RORA: variants seen among roughly 807,000 people sequenced by gnomAD.
RORA encodes RAR related orphan receptor A, also known as nuclear receptor ROR-alpha.
A neutral mutation model predicts 69.5 loss-of-function variants in RORA; 7 were observed. That is an observed-to-expected ratio of 0.10 (90% CI 0.06 to 0.19). RORA has a LOEUF of 0.19. Ranked by LOEUF, RORA falls within the 10% of genes least tolerant of loss-of-function variation. The pLI is 1.00. For missense variants in RORA, 457 were observed against 663.0 expected, an observed-to-expected ratio of 0.69 and a Z score of 3.41; for synonymous variants, 261 against 240.8, an observed-to-expected ratio of 1.08 and a Z score of -0.78.
At chr15:60,967,849 A>G (rs1451393133) in intron 1 of RORA, among the ~76,000 whole-genome samples, 2 of 152,206 alleles carry the variant, frequency 1.3e-5, no homozygotes, top group African/African-American at 4.8e-5. Context: ...AAAAGGCTTC[A>G]GTACTGGTTC....
intron 1 of RORA, among the ~76,000 whole-genome samples, chr15:60,930,698 G>C (rs1892348974): frequency 6.6e-6 from 1 of 152,184 alleles, no homozygotes; most frequent in African/African-American, 2.4e-5. Context: ...GTCCAAGGTA[G>C]GTTTCCCACT....
chr15:60,736,839 G>A (rs369894853), intron 1 of RORA: 6 of 152,186 alleles, frequency 3.9e-5, no homozygotes, highest in African/African-American at 1.4e-4. Context: ...GCCGAGCCTG[G>A]TTAGTACTTC....
intron 1 of RORA, among the ~76,000 whole-genome samples, chr15:61,153,443 A>G (rs1005809729): frequency 1.3e-5 from 2 of 152,188 alleles, no homozygotes; most frequent in Non-Finnish European, 2.9e-5. Context: ...ACAGAGCCCA[A>G]CACATTCAGA....
intron 1 of RORA, among the ~76,000 whole-genome samples, chr15:61,180,353 A>G (rs958484930): frequency 2.6e-5 from 4 of 152,126 alleles, no homozygotes; most frequent in African/African-American, 9.7e-5. Flanking sequence ...GAATTTGGAG[A>G]GGATGTTGTT....
chr15:60,952,166 A>G (rs1405036425), intron 1 of RORA, among the ~76,000 whole-genome samples: 1 of 151,406 alleles, frequency 6.6e-6, no homozygotes, highest in Non-Finnish European at 1.5e-5. Context: ...AATCCAGCAT[A>G]TAAACAGAGC....
chr15:61,189,923 A>G (rs1215767201), intron 1 of RORA, among the ~76,000 whole-genome samples: 1 of 149,946 alleles, frequency 6.7e-6, no homozygotes, highest in Non-Finnish European at 1.5e-5. Flanking sequence ...TTTATCATGG[A>G]AAAAAAACAA....
chr15:61,198,546 G>A (rs1710664286), intron 1 of RORA, among the ~76,000 whole-genome samples: 1 of 152,074 alleles, frequency 6.6e-6, no homozygotes, highest in Non-Finnish European at 1.5e-5. Flanking sequence ...AATTTTCAAG[G>A]ACGACTGTAG....
intron 2 of RORA, among the ~76,000 whole-genome samples, chr15:60,590,480 AG>A (rs1475027789): frequency 1.3e-5 from 2 of 152,328 alleles, no homozygotes; most frequent in East Asian, 3.9e-4. Context: ...ACTGTTCATT[AG>A]GGGAGAAAGC....
intron 2 of RORA, among the ~76,000 whole-genome samples, chr15:60,546,964 G>C (rs760462583): frequency 2.0e-5 from 3 of 152,166 alleles, no homozygotes; most frequent in Non-Finnish European, 4.4e-5. Flanking sequence ...GTAGCATTTT[G>C]TTAGGGGAGT....
chr15:60,712,330 T>C (rs1220017100), intron 1 of RORA, among the ~76,000 whole-genome samples: 2 of 152,148 alleles, frequency 1.3e-5, no homozygotes, highest in African/African-American at 4.8e-5. Context: ...ATATAGAAAA[T>C]AGGCAATACA....
chr15:60,942,735 C>T (rs960982169), intron 1 of RORA, among the ~76,000 whole-genome samples: 3 of 152,192 alleles, frequency 2.0e-5, no homozygotes, highest in African/African-American at 7.2e-5. Context: ...AAAACAAACA[C>T]CGTCTTTAAT....
chr15:61,217,925 T>C (rs1033753950), intron 1 of RORA, among the ~76,000 whole-genome samples: 1 of 152,106 alleles, frequency 6.6e-6, no homozygotes, highest in African/African-American at 2.4e-5. Context: ...CTCCCTGAAG[T>C]CATAATGAGT....
intron 1 of RORA, among the ~76,000 whole-genome samples, chr15:61,094,173 C>T (rs2078754828): frequency 6.6e-6 from 1 of 152,130 alleles, no homozygotes. Context: ...CCTGGGGTAA[C>T]TACTCCTTTA....
intron 2 of RORA, among the ~76,000 whole-genome samples, chr15:60,582,117 G>A (rs1185679228): frequency 6.6e-6 from 1 of 152,062 alleles, no homozygotes; most frequent in East Asian, 1.9e-4. Context: ...GATAAATAAG[G>A]TATGACTGTA....
intron 1 of RORA, among the ~76,000 whole-genome samples, chr15:60,770,170 G>A (rs1183596505): frequency 6.6e-6 from 1 of 152,088 alleles, no homozygotes; most frequent in African/African-American, 2.4e-5. Flanking sequence ...TCTGAATGCT[G>A]CCCATTTAAA....
intron 1 of RORA, among the ~76,000 whole-genome samples, chr15:61,170,391 G>A (rs933169680): frequency 2.0e-5 from 3 of 152,122 alleles, no homozygotes; most frequent in African/African-American, 7.2e-5. Context: ...TCCTGTTTGT[G>A]TGTCCTGTGC....
intron 1 of RORA, among the ~76,000 whole-genome samples, chr15:61,105,001 C>A (rs1034289994): frequency 1.3e-4 from 19 of 143,548 alleles, no homozygotes; most frequent in South Asian, 5.1e-4. Flanking sequence ...AGGCGCCCCC[C>A]CCACCGCCCA....
At chr15:61,119,648 G>A (rs1276954080) in intron 1 of RORA, among the ~76,000 whole-genome samples, 1 of 151,986 alleles carries the variant, frequency 6.6e-6, no homozygotes, top group East Asian at 1.9e-4. Context: ...GGGCTCCCCA[G>A]GTTGGCCTTG....
intron 2 of RORA, among the ~76,000 whole-genome samples, chr15:60,533,067 C>G (rs2066573986): frequency 6.6e-6 from 1 of 152,174 alleles, no homozygotes. Context: ...CAACCACTTA[C>G]TTTGGATTTA....
Sources: allele counts gnomAD v4.1 joint callset (sites outside exome capture counted in the v4.1 genomes callset), GRCh38; gene constraint gnomAD v4.1.1; transcripts MANE v1.5; gene names NCBI Gene and HGNC (gene_info 2026-07-23, HGNC 2026-07-21).